CSNK1G3: variants seen among roughly 807,000 people sequenced by gnomAD.
CSNK1G3 encodes casein kinase 1 gamma 3.
In CSNK1G3, 23 loss-of-function variants were observed where a neutral mutation model predicts 64.3. The observed-to-expected ratio is 0.36, with a 90% CI of 0.26 to 0.51. The LOEUF is 0.51. CSNK1G3 is among the 20% of genes least tolerant of loss of function. CSNK1G3 has a pLI of 0.96. For missense variants in CSNK1G3, 357 were observed against 510.5 expected (o/e 0.70, Z 2.90); for synonymous variants, 158 against 162.2 (o/e 0.97, Z 0.20).
intron 1 of CSNK1G3, among the ~76,000 whole-genome samples, chr5:123,515,450 T>C (rs183244536): frequency 6.6e-6 from 1 of 152,346 alleles, no homozygotes; most frequent in Non-Finnish European, 1.5e-5. Flanking sequence ...ATGTATATTT[T>C]CACAGAAAGT....
At chr5:123,555,101 T>C (rs1438175308) in intron 3 of CSNK1G3, among the ~76,000 whole-genome samples, 2 of 152,230 alleles carry the variant, frequency 1.3e-5, no homozygotes, top group South Asian at 2.1e-4. Context: ...CTCCCCTTTT[T>C]AGGGGGAAAC....
At chr5:123,569,095 A>C (rs1156383923) in intron 4 of CSNK1G3, among the ~76,000 whole-genome samples, 1 of 152,112 alleles carries the variant, frequency 6.6e-6, no homozygotes, top group Admixed American at 6.6e-5. Flanking sequence ...GTAGCTGCCA[A>C]CTCTTTTTGT....
chr5:123,607,271 A>T (rs1191067372), intron 12 of CSNK1G3, among the ~76,000 whole-genome samples: 1 of 152,106 alleles, frequency 6.6e-6, no homozygotes, highest in African/African-American at 2.4e-5. Context: ...TTGGTTCCTT[A>T]AATCTGCATT....
At chr5:123,577,680 T>C (rs1207224250) in intron 6 of CSNK1G3, among the ~76,000 whole-genome samples, 1 of 151,600 alleles carries the variant, frequency 6.6e-6, no homozygotes, top group African/African-American at 2.4e-5. Context: ...GCAAGTCTAA[T>C]AGAATTATAA....
chr5:123,522,088 G>A (rs963709736), intron 1 of CSNK1G3, among the ~76,000 whole-genome samples: 4 of 152,086 alleles, frequency 2.6e-5, no homozygotes, highest in Non-Finnish European at 4.4e-5. Flanking sequence ...AATTTGAGGT[G>A]GAGGTATGAA....
At chr5:123,613,759 G>T (rs1748954861) in intron 12 of CSNK1G3, among the ~76,000 whole-genome samples, 1 of 152,026 alleles carries the variant, frequency 6.6e-6, no homozygotes, top group African/African-American at 2.4e-5. Context: ...CACCTCAATT[G>T]TGCTACTTTA....
chr5:123,581,576 T>C (rs1462310843), intron 6 of CSNK1G3, among the ~76,000 whole-genome samples: 1 of 151,836 alleles, frequency 6.6e-6, no homozygotes, highest in African/African-American at 2.4e-5. Flanking sequence ...CTGGGTTCAG[T>C]TGCACAGAAA....
At chr5:123,609,592 A>C (rs1216944263) in intron 12 of CSNK1G3, among the ~76,000 whole-genome samples, 1 of 152,206 alleles carries the variant, frequency 6.6e-6, no homozygotes, top group Non-Finnish European at 1.5e-5. Context: ...AAAAATTATA[A>C]TACAAAGTGA....
intron 10 of CSNK1G3, among the ~76,000 whole-genome samples, chr5:123,592,457 C>G (rs1792551945): frequency 6.6e-6 from 1 of 151,518 alleles, no homozygotes; most frequent in African/African-American, 2.4e-5. Context: ...TTTTCTCTCT[C>G]TCTTTCTCTT....
chr5:123,532,148 A>G (rs376510132), intron 1 of CSNK1G3, among the ~76,000 whole-genome samples: 24 of 151,964 alleles, frequency 1.6e-4, no homozygotes, highest in South Asian at 1.0e-3. Context: ...TTTAATGTAC[A>G]CTCTGAATTT....
At chr5:123,585,061 C>T (rs1791053505) in intron 6 of CSNK1G3, among the ~76,000 whole-genome samples, 1 of 152,028 alleles carries the variant, frequency 6.6e-6, no homozygotes, top group African/African-American at 2.4e-5. Context: ...TTGATTTCCT[C>T]ATTTGTCATT....
intron 1 of CSNK1G3, among the ~76,000 whole-genome samples, chr5:123,526,299 C>G (rs1454612124): frequency 1.3e-5 from 2 of 152,088 alleles, no homozygotes; most frequent in Non-Finnish European, 2.9e-5. Context: ...AAGTGATCCT[C>G]CTACTCTGGC....
intron 1 of CSNK1G3, among the ~76,000 whole-genome samples, chr5:123,514,729 G>T (rs1776842147): frequency 6.6e-6 from 1 of 151,984 alleles, no homozygotes. Context: ...GGTGGGGGTA[G>T]TTTTCTCGGT....
At chr5:123,532,097 A>C (rs899534168) in intron 1 of CSNK1G3, among the ~76,000 whole-genome samples, 2 of 151,850 alleles carry the variant, frequency 1.3e-5, no homozygotes, top group African/African-American at 4.8e-5. Context: ...TATTTTTAGC[A>C]ACTGGTGTAA....
intron 4 of CSNK1G3, among the ~76,000 whole-genome samples, chr5:123,565,435 A>T (rs1480634107): frequency 6.6e-6 from 1 of 152,210 alleles, no homozygotes; most frequent in Non-Finnish European, 1.5e-5. Context: ...CCTAAAAAAA[A>T]GATAGGGTGA....
At chr5:123,522,828 C>T (rs921828338) in intron 1 of CSNK1G3, among the ~76,000 whole-genome samples, 1 of 151,986 alleles carries the variant, frequency 6.6e-6, no homozygotes, top group Non-Finnish European at 1.5e-5. Context: ...TAGTGAGGCC[C>T]CTATATTCAT....
At chr5:123,593,363 C>G (rs1792805609) in intron 10 of CSNK1G3, among the ~76,000 whole-genome samples, 1 of 151,946 alleles carries the variant, frequency 6.6e-6, no homozygotes. Flanking sequence ...GACCACTAAG[C>G]AGCTTAAGTT....
chr5:123,605,285 A>T, intron 11 of CSNK1G3, 54 bp from the exon 13 acceptor site: 390 of 1,324,932 alleles, frequency 2.9e-4, no homozygotes, highest in Non-Finnish European at 3.8e-4. Flanking sequence ...GCTGTTTCTG[A>T]TTCTCTCTCT....
At chr5:123,543,164 T>A (rs1781965700) in intron 1 of CSNK1G3, among the ~76,000 whole-genome samples, 1 of 152,084 alleles carries the variant, frequency 6.6e-6, no homozygotes, top group Non-Finnish European at 1.5e-5. Context: ...TTTGTCTTTT[T>A]GAGACTTGAG....
Sources: gnomAD v4.1 joint callset for allele counts (sites outside exome capture counted in the v4.1 genomes callset) on GRCh38, gnomAD v4.1.1 for gene constraint, MANE v1.5 for transcripts, NCBI Gene and HGNC (gene_info 2026-07-23, HGNC 2026-07-21) for gene names.